Variants in PTPRC observed in about 807,000 individuals in gnomAD.
The protein encoded by PTPRC is receptor-type tyrosine-protein phosphatase C.
Under a neutral mutation model 155.9 loss-of-function variants are expected in PTPRC, and 44 were observed. The observed-to-expected ratio is 0.28, with a 90% CI of 0.22 to 0.36. The LOEUF (loss-of-function observed/expected upper bound fraction) is 0.36, where lower values mean the gene tolerates loss of function less well. Among genes scored for constraint, PTPRC ranks in the 10% least tolerant of loss-of-function variants. The pLI is 1.00. For synonymous variants in PTPRC, 525 were observed against 533.1 expected (o/e 0.98, Z 0.21); for missense variants, 1,401 against 1,564.6 (o/e 0.90, Z 1.76).
chr1:198,678,289 A>G (rs1429398127), intron 2 of PTPRC, among the ~76,000 whole-genome samples: 1 of 152,238 alleles, frequency 6.6e-6, no homozygotes, highest in Non-Finnish European at 1.5e-5. Flanking sequence ...GTGATAATCC[A>G]GATGGTGGTA....
At chr1:198,654,696 T>A (rs1293690354) in intron 2 of PTPRC, among the ~76,000 whole-genome samples, 1 of 151,858 alleles carries the variant, frequency 6.6e-6, no homozygotes, top group African/African-American at 2.4e-5. Flanking sequence ...ATATATTTTG[T>A]AATTTGAGAA....
chr1:198,691,612 A>G (rs1665930449), intron 2 of PTPRC, among the ~76,000 whole-genome samples: 2 of 152,060 alleles, frequency 1.3e-5, no homozygotes, highest in Non-Finnish European at 2.9e-5. Context: ...CTAAAATTCA[A>G]ATGTTTCTCC....
At chr1:198,723,877 G>C (rs1176080881) in intron 15 of PTPRC, among the ~76,000 whole-genome samples, 1 of 152,172 alleles carries the variant, frequency 6.6e-6, no homozygotes, top group Non-Finnish European at 1.5e-5. Flanking sequence ...ATTCCAAAAG[G>C]AATCAGTATC....
intron 2 of PTPRC, among the ~76,000 whole-genome samples, chr1:198,642,448 C>T (rs1177570204): frequency 2.6e-5 from 4 of 151,684 alleles, no homozygotes; most frequent in East Asian, 1.9e-4. Flanking sequence ...TTCAGACCTT[C>T]GCCTGTGTTC....
At chr1:198,658,439 T>A (rs1663727223) in intron 2 of PTPRC, among the ~76,000 whole-genome samples, 1 of 152,190 alleles carries the variant, frequency 6.6e-6, no homozygotes, top group Non-Finnish European at 1.5e-5. Context: ...GGACTGTAAT[T>A]GTGCTCATGA....
intron 2 of PTPRC, among the ~76,000 whole-genome samples, chr1:198,687,125 T>G (rs1665670772): frequency 6.6e-6 from 1 of 152,308 alleles, no homozygotes; most frequent in African/African-American, 2.4e-5. Context: ...CCCAAGTAGC[T>G]GGGACTATAG....
intron 2 of PTPRC, among the ~76,000 whole-genome samples, chr1:198,690,057 C>A (rs1290470322): frequency 6.6e-6 from 1 of 152,126 alleles, no homozygotes; most frequent in Non-Finnish European, 1.5e-5. Context: ...GAGGTGCTTG[C>A]ATGAGAAGGG....
At chr1:198,696,672 T>A (rs1666217806) in intron 3 of PTPRC, 40 bp from the exon 4 acceptor site, 5 of 1,518,676 alleles carry the variant, frequency 3.3e-6, no homozygotes, top group African/African-American at 1.4e-5. Context: ...ATGATTCACA[T>A]ATTTATTTTG....
In PTPRC at chr1:198,650,661, AGGTCTCAACT is replaced by A. The variant is rs552428209; in HGVS notation, c.73+11323_73+11332del. ...GATAAGAGGCTGAGGCCCATTCAGT[AGGTCTCAACT>A]GGAGACATAAACATAGGAGTCATTG... is the stretch of plus-strand genomic sequence containing the variant. On this transcript the variant is annotated intron_variant, in intron 2 of 32. Transcript: ENST00000442510. Among the ~76,000 whole-genome samples the A allele has an allele frequency of 2.3e-3, 347 of 151,966 alleles. 1 individual carries two copies. Among genetic ancestry groups the A allele is most frequent in the African/African-American group, 8.2e-3 (339 of 41,504 alleles).
intron 6 of PTPRC, 92 bp from the exon 7 acceptor site, chr1:198,703,206 C>T (rs1666548680): frequency 6.4e-7 from 1 of 1,573,658 alleles, no homozygotes; most frequent in African/African-American, 1.3e-5. Context: ...GCAAAGATGC[C>T]AATAGGAAAT....
At chr1:198,712,511 T>G (rs1653364241) in intron 11 of PTPRC, among the ~76,000 whole-genome samples, 1 of 152,226 alleles carries the variant, frequency 6.6e-6, no homozygotes, top group Non-Finnish European at 1.5e-5. Flanking sequence ...GACATTTTAT[T>G]TAAACATTTA....
intron 6 of PTPRC, 53 bp from the exon 7 acceptor site, chr1:198,703,245 C>T: frequency 3.1e-6 from 5 of 1,608,750 alleles, no homozygotes; most frequent in Non-Finnish European, 4.2e-6. Flanking sequence ...TTTCTTTCAC[C>T]TTTTAATATA....
In PTPRC at chr1:198,752,626, A is replaced by G. The variant is rs1164152225; in HGVS notation, c.3363A>G (p.Gln1121=). 1.9e-6 allele frequency: 3 copies of G among 1,612,630 alleles called. No individual in the cohort carries two copies. Among genetic ancestry groups the G allele is most frequent in the East Asian group, 2.2e-5 (1 of 44,698 alleles). The change falls in exon 31 of 33, where the codon CAA becomes CAG. Residue 1121 remains glutamine (Q), a synonymous_variant. Transcript: ENST00000442510. ...ACTCTCGAACTGTGTACCAGTACCA[A>G]TATACAAACTGGAGTGTGGAGCAGC... ...RKDSRTVYQY[Q]YTNWSVEQLP...
Position 198,718,096 on chromosome 1 carries a change from C to T in PTPRC, c.1453C>T (p.Pro485Ser). Residue 485 changes from proline to serine, a missense_variant and splice_region_variant, in exon 14 of 33, where the codon CCA becomes TCA. Physicochemically the swap from Pro to Ser is moderately conservative, Grantham distance 74. Coordinates refer to ENST00000442510, the MANE Select transcript of PTPRC (RefSeq NM_002838.5). Reference protein sequence around the residue: ...MCHFTTKSAPPSQVWNMTVSM... With the variant: ...MCHFTTKSAPSSQVWNMTVSM... ...CAAATCTTTCTTCATTTTGATAGCT[C>T]CAAGCCAGGTCTGGAACATGACTGT... 1 of 1,610,342 alleles carries T rather than the reference C, an allele frequency of 6.2e-7. No individual in the cohort carries two copies. The highest frequency in any genetic ancestry group is 8.5e-7 in the Non-Finnish European group (1 of 1,176,620).
chr1:198,692,214 A>G, intron 2 of PTPRC, 133 bp from the exon 3 acceptor site: 1 of 561,554 alleles, frequency 1.8e-6, no homozygotes, highest in Non-Finnish European at 3.0e-6. Context: ...CATTAGGGTA[A>G]AAGCTACTGA....
intron 14 of PTPRC, among the ~76,000 whole-genome samples, chr1:198,720,770 T>C (rs1653848030): frequency 6.6e-6 from 1 of 152,234 alleles, no homozygotes; most frequent in South Asian, 2.1e-4. Context: ...TTACTCTTTT[T>C]GAGTGAGTGT....
At chr1:198,727,328 G>T (rs1211699944) in intron 15 of PTPRC, among the ~76,000 whole-genome samples, 2 of 151,864 alleles carry the variant, frequency 1.3e-5, no homozygotes, top group Non-Finnish European at 2.9e-5. Context: ...TATTTCTTCT[G>T]TTCATTATTA....
chr1:198,755,927 G>C lies in PTPRC; in HGVS notation c.3667G>C (p.Asp1223His), dbSNP rs1445993458. 2.5e-6 allele frequency: 4 copies of C among 1,611,412 alleles called. No individual in the cohort carries two copies. Among genetic ancestry groups the C allele is most frequent in the Admixed American group, 3.3e-5 (2 of 59,870 alleles). ...CTAGGAGCAATATCAATTCCTATAT[G>C]ACGTCATTGCCAGCACCTACCCTGC... The part of the protein sequence containing the change: ...STFEQYQFLY[D>H]VIASTYPAQN... The change falls in exon 33 of 33, where the codon GAC (aspartate) becomes CAC (histidine). Residue 1223 changes from aspartate (D) to histidine (H), a missense_variant. Around this residue, in one of 3 missense-constraint regions of PTPRC, gnomAD observed 400 missense variants for 389.5 expected, o/e 1.03. Coordinates refer to ENST00000442510, the MANE Select transcript of PTPRC (RefSeq NM_002838.5).
At chr1:198,730,883 CT>C (rs1351170559) in intron 17 of PTPRC, among the ~76,000 whole-genome samples, 4 of 152,098 alleles carry the variant, frequency 2.6e-5, no homozygotes, top group African/African-American at 4.8e-5. Flanking sequence ...ATCTGATAAA[CT>C]GGTAAAATTA....
Sources: allele counts gnomAD v4.1 joint callset (sites outside exome capture counted in the v4.1 genomes callset), GRCh38; gene constraint gnomAD v4.1.1; regional missense constraint gnomAD v4.1.1; transcripts MANE v1.5; gene names NCBI Gene and HGNC (gene_info 2026-07-23, HGNC 2026-07-21).